The following PTPRM variants were observed in gnomAD, a reference collection of about 807,000 sequenced individuals.
PTPRM encodes the protein protein tyrosine phosphatase receptor type M, also known as receptor-type tyrosine-protein phosphatase mu.
A neutral mutation model predicts 186.7 loss-of-function variants in PTPRM; 47 were observed. The ratio of observed to expected loss-of-function variants is 0.25; its 90% CI spans 0.20 to 0.32. PTPRM has a LOEUF of 0.32. Among genes scored for constraint, PTPRM ranks in the 10% least tolerant of loss-of-function variants. The pLI is 1.00. For synonymous variants in PTPRM, 668 were observed against 674.9 expected (o/e 0.99, Z 0.16); for missense variants, 1,494 against 1,865.0 (o/e 0.80, Z 3.66).
intron 14 of PTPRM, among the ~76,000 whole-genome samples, chr18:8,201,758 A>G (rs2146848005): frequency 6.6e-6 from 1 of 152,322 alleles, no homozygotes; most frequent in Admixed American, 6.5e-5. Context: ...TAAAGACCTC[A>G]TTTAATTCTA....
chr18:7,960,476 T>TAC (rs756838680), intron 7 of PTPRM, among the ~76,000 whole-genome samples: 3 of 114,444 alleles, frequency 2.6e-5, no homozygotes, highest in Non-Finnish European at 3.6e-5. Context: ...TATATATATA[T>TAC]ATATACACAC....
intron 7 of PTPRM, among the ~76,000 whole-genome samples, chr18:8,033,073 A>T (rs1268891630): frequency 1.3e-5 from 2 of 152,188 alleles, no homozygotes; most frequent in Admixed American, 1.3e-4. Flanking sequence ...ACATCTATTC[A>T]TATAAAAAAT....
At chr18:7,697,016 G>A (rs2039859465) in intron 1 of PTPRM, among the ~76,000 whole-genome samples, 1 of 152,186 alleles carries the variant, frequency 6.6e-6, no homozygotes, top group African/African-American at 2.4e-5. Context: ...GCTGAATGAT[G>A]TCAGGCATAA....
chr18:8,372,596 G>A (rs1433510172), intron 24 of PTPRM, among the ~76,000 whole-genome samples: 2 of 151,588 alleles, frequency 1.3e-5, no homozygotes, highest in African/African-American at 4.8e-5. Flanking sequence ...TTCTTAGCCT[G>A]TCTTTTTTAA....
intron 7 of PTPRM, among the ~76,000 whole-genome samples, chr18:7,958,923 T>C (rs972256149): frequency 2.0e-5 from 3 of 152,194 alleles, no homozygotes; most frequent in African/African-American, 7.2e-5. Context: ...AATAGTGCTT[T>C]TGGGTGCTAG....
intron 1 of PTPRM, among the ~76,000 whole-genome samples, chr18:7,715,883 T>C (rs1355724079): frequency 1.3e-5 from 2 of 152,134 alleles, no homozygotes; most frequent in African/African-American, 4.8e-5. Flanking sequence ...GGAAAAACAT[T>C]CCATGTTCAT....
intron 2 of PTPRM, among the ~76,000 whole-genome samples, chr18:7,796,894 C>T (rs1348478103): frequency 2.0e-5 from 3 of 152,180 alleles, no homozygotes; most frequent in Non-Finnish European, 2.9e-5. Flanking sequence ...GTATATAGCA[C>T]ACATGTAACT....
chr18:7,602,242 A>G (rs971600799), intron 1 of PTPRM, among the ~76,000 whole-genome samples: 3 of 152,180 alleles, frequency 2.0e-5, no homozygotes, highest in Non-Finnish European at 1.5e-5. Flanking sequence ...AGTTGGTGGT[A>G]AGATCTTGGG....
At chr18:8,048,191 G>GA (rs2087204526) in intron 7 of PTPRM, among the ~76,000 whole-genome samples, 1 of 152,176 alleles carries the variant, frequency 6.6e-6, no homozygotes, top group Non-Finnish European at 1.5e-5. Context: ...TATGTTTAGG[G>GA]AAAAATTGAC....
intron 1 of PTPRM, among the ~76,000 whole-genome samples, chr18:7,656,029 A>C (rs1372339340): frequency 6.6e-6 from 1 of 152,172 alleles, no homozygotes; most frequent in African/African-American, 2.4e-5. Flanking sequence ...TCCTCAAAAA[A>C]CTAAAAAGAG....
At chr18:7,920,196 C>T (rs2050779498) in intron 4 of PTPRM, among the ~76,000 whole-genome samples, 1 of 152,080 alleles carries the variant, frequency 6.6e-6, no homozygotes, top group Non-Finnish European at 1.5e-5. Context: ...CATTCAATGT[C>T]ATTATTAAGT....
At chr18:8,108,547 G>T (rs1334226926) in intron 11 of PTPRM, among the ~76,000 whole-genome samples, 2 of 152,270 alleles carry the variant, frequency 1.3e-5, no homozygotes, top group East Asian at 3.9e-4. Flanking sequence ...TCCTCTCCAG[G>T]AACTCGAAAG....
intron 13 of PTPRM, among the ~76,000 whole-genome samples, chr18:8,125,882 T>C (rs1033936631): frequency 6.7e-6 from 1 of 150,252 alleles, no homozygotes; most frequent in Non-Finnish European, 1.5e-5. Context: ...TTTTCACATA[T>C]ATCTAGGCTT....
At chr18:7,943,469 C>G (rs2052324158) in intron 5 of PTPRM, among the ~76,000 whole-genome samples, 1 of 152,146 alleles carries the variant, frequency 6.6e-6, no homozygotes, top group Admixed American at 6.5e-5. Context: ...AGATGCACGA[C>G]CCCTGGACAC....
At chr18:7,677,915 T>C (rs1231782683) in intron 1 of PTPRM, among the ~76,000 whole-genome samples, 1 of 152,130 alleles carries the variant, frequency 6.6e-6, no homozygotes, top group African/African-American at 2.4e-5. Context: ...GTTTATTTAT[T>C]TATCATCTCT....
chr18:7,711,807 C>T (rs2040219639), intron 1 of PTPRM, among the ~76,000 whole-genome samples: 1 of 152,114 alleles, frequency 6.6e-6, no homozygotes, highest in Admixed American at 6.5e-5. Flanking sequence ...GGCAGGGCAT[C>T]TCTGAAAAAA....
chr18:7,767,137 C>T (rs1047736379), intron 1 of PTPRM, among the ~76,000 whole-genome samples: 3 of 152,186 alleles, frequency 2.0e-5, no homozygotes, highest in African/African-American at 7.2e-5. Context: ...TGGCAGTGCT[C>T]TCACACAGTA....
intron 7 of PTPRM, among the ~76,000 whole-genome samples, chr18:7,994,410 A>C (rs1484028508): frequency 6.6e-6 from 1 of 152,114 alleles, no homozygotes; most frequent in Non-Finnish European, 1.5e-5. Flanking sequence ...TTGCAGCATT[A>C]GATAGATAAC....
At chr18:7,642,252 T>C (rs922666796) in intron 1 of PTPRM, among the ~76,000 whole-genome samples, 12 of 152,238 alleles carry the variant, frequency 7.9e-5, no homozygotes, top group Admixed American at 7.2e-4. Flanking sequence ...TGGGAAATGC[T>C]GTACAGCAGT....
Sources: gnomAD v4.1 joint callset for allele counts (sites outside exome capture counted in the v4.1 genomes callset) on GRCh38, gnomAD v4.1.1 for gene constraint, MANE v1.5 for transcripts, NCBI Gene and HGNC (gene_info 2026-07-23, HGNC 2026-07-21) for gene names.